Variants in ANKRD66 observed in about 807,000 individuals in gnomAD.
ANKRD66 encodes ankyrin repeat domain 66, also known as ankyrin repeat domain-containing protein 66.
ANKRD66 carries 10 observed loss-of-function variants against 10.9 expected under a neutral mutation model. The ratio of observed to expected loss-of-function variants is 0.91; its 90% CI spans 0.56 to 1.55. The LOEUF is 1.55. Among genes scored for constraint, ANKRD66 ranks in the 40% most tolerant of loss-of-function variants. ANKRD66 has a pLI of 0.00. For synonymous variants in ANKRD66, 85 were observed against 88.4 expected (o/e 0.96, Z 0.22); for missense variants, 252 against 242.9 (o/e 1.04, Z -0.25).
chr6:46,749,401 G>C (rs551110235), intron 1 of ANKRD66, among the ~76,000 whole-genome samples: 2 of 152,236 alleles, frequency 1.3e-5, no homozygotes, highest in Non-Finnish European at 2.9e-5. Flanking sequence ...GCTTGTCCTC[G>C]TTCGCCTAAG....
Position 46,749,972 on chromosome 6 carries a change from C to A in ANKRD66, c.-20C>A. ...ATGGCCGGACCCCTGCCCAGAGTTT[C>A]AGATTCTGTAAGTCTGGGGCTGAGC... is the stretch of plus-strand genomic sequence containing the variant. On this transcript the variant is annotated 5_prime_UTR_variant, in exon 2 of 5. The change creates a premature stop within an existing upstream ORF in the 5' untranslated region. Transcript: ENST00000565422. 6.8e-7 allele frequency: 1 copy of A among 1,460,650 alleles called. No individual in the cohort carries two copies. The highest frequency in any genetic ancestry group is 9.4e-7 in the Non-Finnish European group (1 of 1,064,340). The allele number at this position is 1,460,650 out of a possible 1,614,324, so 90.5% of individuals were successfully genotyped here. A position where few individuals can be genotyped will look rare whatever the true frequency, so the allele number is the denominator to read the frequency against.
chr6:46,753,826 C>T lies in ANKRD66; in HGVS notation c.268C>T (p.Leu90=). The T allele has an allele frequency of 6.4e-7, 1 of 1,551,704 alleles. No individual in the cohort carries two copies. The change falls in exon 4 of 5, where the codon CTG becomes TTG. Residue 90 remains leucine, a synonymous_variant. Coordinates refer to ENST00000565422, the MANE Select transcript of ANKRD66 (RefSeq NM_001162435.3). The part of the protein sequence containing the change: ...PAHFAAEAGH[L]NILKTLHALH... ...TCATTTTGCAGCAGAAGCAGGCCAT[C>T]TGAATATACTCAAAACTCTCCATGC...
At chr6:46,752,194 TG>T in intron 3 of ANKRD66, 83 bp downstream of exon 3, 1 of 1,300,414 alleles carries the variant, frequency 7.7e-7, no homozygotes, top group Non-Finnish European at 9.9e-7. Context: ...TGTGGGGGAG[TG>T]GAACAAACAT....
At chr6:46,748,488 G>T (rs1012397542) in intron 1 of ANKRD66, among the ~76,000 whole-genome samples, 1 of 152,174 alleles carries the variant, frequency 6.6e-6, no homozygotes, top group Admixed American at 6.5e-5. Flanking sequence ...GGCACCCTCA[G>T]ATTAGAAACA....
intron 4 of ANKRD66, 64 bp from the exon 5 acceptor site, chr6:46,758,659 C>A: frequency 7.0e-7 from 1 of 1,438,392 alleles, no homozygotes; most frequent in Non-Finnish European, 9.2e-7. Context: ...TGAATAAAGG[C>A]CGATTCCCAG....
chr6:46,753,071 G>A (rs894536183), intron 3 of ANKRD66, among the ~76,000 whole-genome samples: 25 of 152,220 alleles, frequency 1.6e-4, no homozygotes, highest in African/African-American at 2.4e-5. Flanking sequence ...TAGCTATACC[G>A]AAACACCTTT....
intron 1 of ANKRD66, among the ~76,000 whole-genome samples, chr6:46,748,381 A>G (rs889611562): frequency 6.6e-6 from 1 of 152,186 alleles, no homozygotes; most frequent in Non-Finnish European, 1.5e-5. Flanking sequence ...ATGTGGGACA[A>G]ATGGGGTTAG....
intron 2 of ANKRD66, among the ~76,000 whole-genome samples, chr6:46,751,246 C>A (rs553474355): frequency 7.4e-4 from 113 of 152,238 alleles, no homozygotes; most frequent in Non-Finnish European, 1.0e-3. Flanking sequence ...CAATTGTCAA[C>A]ACAGTGTAAA....
Position 46,753,833 on chromosome 6 carries a change from T to C in ANKRD66, c.275T>C (p.Ile92Thr), listed in dbSNP as rs1766317992. ...GCAGCAGAAGCAGGCCATCTGAATA[T>C]ACTCAAAACTCTCCATGCATTGCAC... ...HFAAEAGHLN[I>T]LKTLHALHAA... Residue 92 changes from isoleucine to threonine, a missense_variant, in exon 4 of 5, where the codon ATA becomes ACA. Coordinates refer to ENST00000565422, the MANE Select transcript of ANKRD66 (RefSeq NM_001162435.3). The C allele has an allele frequency of 6.4e-7, 1 of 1,551,702 alleles. No homozygotes were observed. The highest frequency in any genetic ancestry group is 8.7e-7 in the Non-Finnish European group (1 of 1,146,984).
At chr6:46,749,568 G>A (rs1370467563) in intron 1 of ANKRD66, among the ~76,000 whole-genome samples, 2 of 23,398 alleles carry the variant, frequency 8.5e-5, no homozygotes, top group Non-Finnish European at 2.1e-4. Context: ...CCCCCCCCCC[G>A]CTTTTTTCTT....
At chr6:46,747,828 A>T (rs1221274541) in intron 1 of ANKRD66, among the ~76,000 whole-genome samples, 2 of 152,218 alleles carry the variant, frequency 1.3e-5, no homozygotes, top group African/African-American at 2.4e-5. Flanking sequence ...GAATACTCAG[A>T]CTTTCCCATT....
At chr6:46,752,175 A>G (rs1209017982) in intron 3 of ANKRD66, 64 bp downstream of exon 3, 1 of 1,353,964 alleles carries the variant, frequency 7.4e-7, no homozygotes, top group Non-Finnish European at 9.6e-7. Context: ...GCTATCAATC[A>G]GTAGGCTATG....
chr6:46,749,565 C>A (rs1262385759), intron 1 of ANKRD66, among the ~76,000 whole-genome samples: 2 of 115,844 alleles, frequency 1.7e-5, no homozygotes, highest in African/African-American at 3.5e-5. Context: ...CCCCCCCCCC[C>A]CCGCTTTTTT....
chr6:46,751,963 A>C lies in ANKRD66; in HGVS notation c.15A>C (p.Lys5Asn). Residue 5 changes from lysine (K) to asparagine (N), a missense_variant, in exon 3 of 5, where the codon AAA (lysine) becomes AAC (asparagine). Lys to Asn is a moderately conservative substitution (Grantham distance 94). Transcript: ENST00000565422. MELA[K>N]MSDMTKLHQA... is the part of the protein sequence containing the mutation. ...TGTTTTCTGCCATGGAATTGGCCAA[A>C]ATGTCAGACATGACAAAGCTTCACC... The C allele has an allele frequency of 6.8e-7, 1 of 1,462,916 alleles. No homozygotes were observed. 90.6% of individuals were successfully genotyped at this position (1,462,916 alleles called of 1,614,324 possible). A position where few individuals can be genotyped will look rare whatever the true frequency, so the allele number is the denominator to read the frequency against.
chr6:46,749,688 C>A (rs1766226687), intron 1 of ANKRD66, among the ~76,000 whole-genome samples: 1 of 151,654 alleles, frequency 6.6e-6, no homozygotes. Context: ...TGACTCTGGA[C>A]ACATACATGC....
At chr6:46,756,613 C>T (rs1243671835) in intron 4 of ANKRD66, 1 of 152,246 alleles carries the variant, frequency 6.6e-6, no homozygotes. Context: ...ATGTAATTGT[C>T]TCCACTTCTT....
intron 3 of ANKRD66, among the ~76,000 whole-genome samples, 169 bp from the exon 4 acceptor site, chr6:46,753,553 G>A (rs535543830): frequency 1.3e-5 from 2 of 152,274 alleles, no homozygotes; most frequent in East Asian, 1.9e-4. Context: ...AGGGCACTGA[G>A]TCCCTGGTGA....
intron 2 of ANKRD66, among the ~76,000 whole-genome samples, chr6:46,750,854 A>T (rs1766254939): frequency 6.6e-6 from 1 of 151,942 alleles, no homozygotes; most frequent in Non-Finnish European, 1.5e-5. Context: ...GTCTGAAATG[A>T]TATCAATGCA....
At chr6:46,750,721 C>T (rs955753152) in intron 2 of ANKRD66, among the ~76,000 whole-genome samples, 3 of 148,766 alleles carry the variant, frequency 2.0e-5, no homozygotes, top group African/African-American at 4.9e-5. Context: ...ATAATATACA[C>T]ATATATATTA....
Sources: gnomAD v4.1 joint callset for allele counts (sites outside exome capture counted in the v4.1 genomes callset) on GRCh38, gnomAD v4.1.1 for gene constraint, MANE v1.5 for transcripts, NCBI Gene and HGNC (gene_info 2026-07-23, HGNC 2026-07-21) for gene names.